RPS6KC1: variants seen among roughly 807,000 people sequenced by gnomAD.
RPS6KC1 encodes ribosomal protein S6 kinase C1.
A neutral mutation model predicts 103.8 loss-of-function variants in RPS6KC1; 54 were observed. That is an observed-to-expected ratio of 0.52 (90% CI 0.42 to 0.65). RPS6KC1 has a LOEUF of 0.65. RPS6KC1 is among the 30% of genes least tolerant of loss of function. RPS6KC1 has a pLI of 0.00. For synonymous variants in RPS6KC1, 439 were observed against 438.7 expected, an observed-to-expected ratio of 1.00 and a Z score of -0.01; for missense variants, 1,151 against 1,253.8, an observed-to-expected ratio of 0.92 and a Z score of 1.24.
the RPS6KC1 span, among the ~76,000 whole-genome samples, chr1:213,594,665 A>G: frequency 6.6e-6 from 1 of 152,208 alleles, no homozygotes; most frequent in African/African-American, 2.4e-5. Context: ...TTTATATAGT[A>G]CTTACCATAT....
chr1:213,194,793 C>A (rs2092879044), intron 8 of RPS6KC1, among the ~76,000 whole-genome samples: 1 of 152,202 alleles, frequency 6.6e-6, no homozygotes, highest in African/African-American at 2.4e-5. Context: ...CCATGCCCTA[C>A]ATGTACCCCC....
chr1:213,395,051 C>G, the RPS6KC1 span, among the ~76,000 whole-genome samples: 1 of 152,194 alleles, frequency 6.6e-6, no homozygotes, highest in South Asian at 2.1e-4. Flanking sequence ...CCTTCCCCTG[C>G]CGCAGCTTCC....
At chr1:213,402,958 CAAAAAAAA>C in the RPS6KC1 span, among the ~76,000 whole-genome samples, 1 of 111,518 alleles carries the variant, frequency 9.0e-6, no homozygotes, top group African/African-American at 3.5e-5. Context: ...ACTAAAAATA[CAAAAAAAA>C]AAAAAAAAAA....
chr1:213,191,347 A>G (rs1329013549), intron 8 of RPS6KC1, among the ~76,000 whole-genome samples: 1 of 151,990 alleles, frequency 6.6e-6, no homozygotes, highest in African/African-American at 2.4e-5. Context: ...TTCATCGTAG[A>G]GATCTTTCAC....
chr1:213,600,599 G>A, the RPS6KC1 span, among the ~76,000 whole-genome samples: 104 of 152,112 alleles, frequency 6.8e-4, no homozygotes, highest in Non-Finnish European at 1.3e-3. Flanking sequence ...CAAGATAGGT[G>A]TCTGTTTAGG....
intron 7 of RPS6KC1, 148 bp from the exon 8 acceptor site, chr1:213,176,252 A>T: frequency 2.3e-6 from 1 of 437,888 alleles, no homozygotes. Context: ...ATTTTATATT[A>T]CAGACAAACA....
At chr1:213,675,703 C>G in the RPS6KC1 span, among the ~76,000 whole-genome samples, 1 of 151,990 alleles carries the variant, frequency 6.6e-6, no homozygotes, top group African/African-American at 2.4e-5. Flanking sequence ...ATGGTGAAAC[C>G]CTTTCTCTAC....
intron 8 of RPS6KC1, among the ~76,000 whole-genome samples, chr1:213,193,950 T>A (rs1430011303): frequency 6.6e-6 from 1 of 152,150 alleles, no homozygotes; most frequent in African/African-American, 2.4e-5. Flanking sequence ...TGTTTTGGGG[T>A]CTATTTCTTC....
At chr1:213,413,025 A>AT in the RPS6KC1 span, among the ~76,000 whole-genome samples, 1 of 152,108 alleles carries the variant, frequency 6.6e-6, no homozygotes, top group Non-Finnish European at 1.5e-5. Flanking sequence ...CATGTTAAAC[A>AT]TTTTTTCTCA....
chr1:213,230,932 TTTTAGTTAATA>T (rs147050274), intron 9 of RPS6KC1, among the ~76,000 whole-genome samples: 92,936 of 150,942 alleles, frequency 0.62, 29,045 homozygotes, highest in Non-Finnish European at 0.65. Context: ...AAAGTTAATA[TTTTAGTTAATA>T]TTTAGTTAAT....
chr1:213,206,167 G>A (rs1178484457), intron 8 of RPS6KC1, among the ~76,000 whole-genome samples: 1 of 152,166 alleles, frequency 6.6e-6, no homozygotes, highest in Non-Finnish European at 1.5e-5. Flanking sequence ...AGATAGCATT[G>A]TATGGACACT....
the RPS6KC1 span, among the ~76,000 whole-genome samples, chr1:213,389,782 C>T: frequency 1.3e-5 from 2 of 152,148 alleles, no homozygotes; most frequent in Non-Finnish European, 2.9e-5. Context: ...CATACAGAGG[C>T]ACCCGAGCAA....
At position 213,230,350 on chromosome 1, in the gene RPS6KC1, C is replaced by T. The variant is rs191040246; in HGVS notation, c.1045-147C>T. 5.2e-4 allele frequency: 230 copies of T among 442,370 alleles called. 1 individual carries two copies. The highest frequency in any genetic ancestry group is 8.4e-4 in the Non-Finnish European group (210 of 249,428). 27.4% of individuals were successfully genotyped at this position (442,370 alleles called of 1,614,324 possible). On this transcript the variant is annotated intron_variant, in intron 8 of 14. Coordinates refer to ENST00000366960, the MANE Select transcript of RPS6KC1 (RefSeq NM_012424.6). ...AAGATTATTTTGATCCTATAATTTG[C>T]TGACTTAAAAAAATTTATTCAGAAA...
chr1:213,675,988 T>C, the RPS6KC1 span, among the ~76,000 whole-genome samples: 2 of 152,194 alleles, frequency 1.3e-5, no homozygotes, highest in East Asian at 1.9e-4. Flanking sequence ...ACCTATTACA[T>C]CCTTTGTGAT....
chr1:213,140,584 A>T (rs912737205), intron 6 of RPS6KC1, among the ~76,000 whole-genome samples: 1 of 152,088 alleles, frequency 6.6e-6, no homozygotes, highest in Non-Finnish European at 1.5e-5. Context: ...TTCTGTGTCT[A>T]TTGAGCTGAT....
chr1:213,623,880 C>T, the RPS6KC1 span, among the ~76,000 whole-genome samples: 1 of 152,190 alleles, frequency 6.6e-6, no homozygotes, highest in Non-Finnish European at 1.5e-5. Context: ...GTCATCTTAC[C>T]TTCCATCCAC....
the RPS6KC1 span, among the ~76,000 whole-genome samples, chr1:213,618,991 GAGCA>G: frequency 1.3e-5 from 2 of 152,188 alleles, no homozygotes; most frequent in Non-Finnish European, 2.9e-5. Context: ...GAGTAGAAGA[GAGCA>G]AGGACATATA....
chr1:213,156,001 T>C (rs557065174), intron 6 of RPS6KC1, among the ~76,000 whole-genome samples: 1 of 152,190 alleles, frequency 6.6e-6, no homozygotes, highest in South Asian at 2.1e-4. Context: ...AATGTTACCA[T>C]TCATGCATAG....
At position 213,269,977 on chromosome 1, in the gene RPS6KC1, T is replaced by C. The variant is rs80173629; in HGVS notation, c.3091-2547T>C. Among the ~76,000 whole-genome samples, 374 of 151,998 alleles carry C rather than the reference T, an allele frequency of 2.5e-3. 1 individual carries two copies. The highest frequency in any genetic ancestry group is 0.02 in the Middle Eastern group (6 of 294). On this transcript the variant is annotated intron_variant, in intron 14 of 14. Coordinates refer to ENST00000366960, the MANE Select transcript of RPS6KC1 (RefSeq NM_012424.6). ...AGAAAGGAAGCAGAAATCAGTAAGA[T>C]AGAAAACAGAAGAATAAGAAAAGTA... is the stretch of plus-strand genomic sequence containing the variant.
Sources: gnomAD v4.1 joint callset for allele counts (sites outside exome capture counted in the v4.1 genomes callset) on GRCh38, gnomAD v4.1.1 for gene constraint, MANE v1.5 for transcripts, NCBI Gene and HGNC (gene_info 2026-07-23, HGNC 2026-07-21) for gene names.